Variants in ARHGAP26 observed in about 807,000 individuals in gnomAD.
The protein encoded by ARHGAP26 is rho GTPase-activating protein 26.
A neutral mutation model predicts 104.8 loss-of-function variants in ARHGAP26; 38 were observed. The ratio of observed to expected loss-of-function variants is 0.36; its 90% CI spans 0.28 to 0.48. ARHGAP26 has a LOEUF of 0.48. ARHGAP26 is among the 20% of genes least tolerant of loss of function. The pLI is 0.99. For synonymous variants in ARHGAP26, 341 were observed against 340.0 expected (o/e 1.00, Z -0.03); for missense variants, 704 against 947.9 (o/e 0.74, Z 3.38).
At chr5:142,865,674 A>G (rs1368194467) in intron 1 of ARHGAP26, among the ~76,000 whole-genome samples, 1 of 152,142 alleles carries the variant, frequency 6.6e-6, no homozygotes, top group Non-Finnish European at 1.5e-5. Context: ...GGTGTCTCCA[A>G]CAAAGTTCTG....
At chr5:142,938,399 T>C (rs1765763058) in intron 11 of ARHGAP26, among the ~76,000 whole-genome samples, 1 of 152,186 alleles carries the variant, frequency 6.6e-6, no homozygotes, top group Non-Finnish European at 1.5e-5. Flanking sequence ...GTGTGGCCAT[T>C]GTCTAAGGCT....
At chr5:142,794,436 C>T (rs777669631) in intron 1 of ARHGAP26, among the ~76,000 whole-genome samples, 3 of 152,168 alleles carry the variant, frequency 2.0e-5, no homozygotes, top group Admixed American at 2.0e-4. Flanking sequence ...AAATTGAGCA[C>T]GGTCATCTGT....
intron 1 of ARHGAP26, among the ~76,000 whole-genome samples, chr5:142,779,848 A>G (rs1259686553): frequency 6.6e-6 from 1 of 152,172 alleles, no homozygotes; most frequent in African/African-American, 2.4e-5. Flanking sequence ...CTTGTGGGTC[A>G]GGGGTAGACA....
chr5:143,027,338 AT>A (rs1028255073), intron 12 of ARHGAP26, among the ~76,000 whole-genome samples: 3 of 145,788 alleles, frequency 2.1e-5, no homozygotes, highest in Non-Finnish European at 4.5e-5. Flanking sequence ...TGCCTAGCTA[AT>A]TTTTTTTTCT....
chr5:142,985,859 G>A (rs1271666414), intron 11 of ARHGAP26, among the ~76,000 whole-genome samples: 1 of 151,994 alleles, frequency 6.6e-6, no homozygotes, highest in Admixed American at 6.6e-5. Context: ...TGGCTGCATA[G>A]TATTCCATGG....
At chr5:142,978,582 C>T (rs972645638) in intron 11 of ARHGAP26, among the ~76,000 whole-genome samples, 4 of 152,130 alleles carry the variant, frequency 2.6e-5, no homozygotes, top group Non-Finnish European at 4.4e-5. Context: ...AGATTCTTAC[C>T]TGTTAAATGG....
At chr5:143,073,845 CAG>C (rs942893696) in intron 17 of ARHGAP26, among the ~76,000 whole-genome samples, 1 of 152,170 alleles carries the variant, frequency 6.6e-6, no homozygotes, top group African/African-American at 2.4e-5. Context: ...ATGAGAGGAG[CAG>C]ACTCTGTGAC....
chr5:142,790,894 C>T lies in ARHGAP26; in HGVS notation c.154+19979C>T, dbSNP rs77538438. Among the ~76,000 whole-genome samples the T allele has an allele frequency of 1.1e-3, 170 of 152,198 alleles. 1 individual carries two copies. Among genetic ancestry groups the T allele is most frequent in the Middle Eastern group, 3.4e-3 (1 of 294 alleles). Reference sequence around the variant, plus strand: ...TCCTTCCCCTTCTATCTCATTACCCCGTTTAGTAGTCTTTATGGTACTTCT... The same window carrying T: ...TCCTTCCCCTTCTATCTCATTACCCTGTTTAGTAGTCTTTATGGTACTTCT... On this transcript the variant is annotated intron_variant, in intron 1 of 22. Coordinates refer to ENST00000645722, the MANE Select transcript of ARHGAP26 (RefSeq NM_001135608.3).
intron 1 of ARHGAP26, among the ~76,000 whole-genome samples, chr5:142,814,334 G>A (rs1399967957): frequency 6.6e-6 from 1 of 152,202 alleles, no homozygotes; most frequent in Non-Finnish European, 1.5e-5. Context: ...AGAGAGGTTT[G>A]GAATCTGTTG....
chr5:142,894,978 T>C (rs889465956), intron 6 of ARHGAP26, among the ~76,000 whole-genome samples: 1 of 152,202 alleles, frequency 6.6e-6, no homozygotes, highest in Admixed American at 6.5e-5. Flanking sequence ...GACTTTAGTT[T>C]AGGCCACACC....
rs1810806181 is a variant in ARHGAP26 at position 143,219,169 on chromosome 5, G to C, written c.2192-3189G>C. 2.0e-5 allele frequency among the ~76,000 whole-genome samples: 3 copies of C among 152,290 alleles called. No individual in the cohort carries two copies. The South Asian group carries it at 6.2e-4, about 32-fold the overall frequency. On this transcript the variant is annotated intron_variant, in intron 22 of 22. Transcript: ENST00000645722. ...GTTGGTCTCTGGAGTCAAACAAGCT[G>C]GGTTCAAATTTTGGTTCCAGTATTA...
chr5:142,952,924 T>C (rs1768618319), intron 11 of ARHGAP26, among the ~76,000 whole-genome samples: 1 of 152,132 alleles, frequency 6.6e-6, no homozygotes, highest in Non-Finnish European at 1.5e-5. Context: ...TTGGCCAGGA[T>C]GGTCTTGAAC....
At chr5:142,855,620 C>T (rs186559912) in intron 1 of ARHGAP26, among the ~76,000 whole-genome samples, 45 of 152,344 alleles carry the variant, frequency 3.0e-4, no homozygotes, top group Non-Finnish European at 6.5e-4. Flanking sequence ...CTATTCCTTC[C>T]TTCTATCCAT....
In ARHGAP26 at chr5:143,224,318, T is replaced by A. The variant is rs930129948; in HGVS notation, c.*1872T>A. On this transcript the variant is annotated 3_prime_UTR_variant, in exon 23 of 23. Coordinates refer to ENST00000645722, the MANE Select transcript of ARHGAP26 (RefSeq NM_001135608.3). ...CGGCCTGAAGGAAAGAGAAGACATT[T>A]CTATGGCCTTGCTCTCTGCTGTCCT... 3 of 231,776 alleles carry A rather than the reference T, an allele frequency of 1.3e-5. No individual in the cohort carries two copies. Among genetic ancestry groups the A allele is most frequent in the Non-Finnish European group, 2.6e-5 (3 of 116,904 alleles). 14.4% of individuals were successfully genotyped at this position (231,776 alleles called of 1,614,324 possible).
intron 11 of ARHGAP26, among the ~76,000 whole-genome samples, chr5:142,976,478 G>C (rs1466110402): frequency 2.6e-5 from 4 of 152,116 alleles, no homozygotes; most frequent in Non-Finnish European, 2.9e-5. Context: ...TGAAATGCTA[G>C]GACATTTGAC....
At chr5:143,035,839 G>A (rs898576670) in intron 12 of ARHGAP26, among the ~76,000 whole-genome samples, 2 of 151,238 alleles carry the variant, frequency 1.3e-5, no homozygotes, top group Non-Finnish European at 2.9e-5. Context: ...GAGAAGCTGA[G>A]GCAGGAGACT....
intron 11 of ARHGAP26, among the ~76,000 whole-genome samples, chr5:142,960,448 T>C (rs1770030969): frequency 1.3e-5 from 2 of 152,244 alleles, no homozygotes; most frequent in African/African-American, 4.8e-5. Flanking sequence ...TCATTCTGAG[T>C]AGCATGATGA....
chr5:142,832,843 G>A (rs963432362), intron 1 of ARHGAP26, among the ~76,000 whole-genome samples: 10 of 152,152 alleles, frequency 6.6e-5, no homozygotes, highest in Admixed American at 3.9e-4. Context: ...TGATGAGCTA[G>A]GCAAGCAATG....
At position 142,963,207 on chromosome 5, in the gene ARHGAP26, TGTGTGTGTGTGTGCGC is replaced by T. The variant is rs1184063941; in HGVS notation, c.1107+31095_1107+31110del. Among the ~76,000 whole-genome samples, 12 of 109,440 alleles carry T rather than the reference TGTGTGTGTGTGTGCGC, an allele frequency of 1.1e-4. 1 individual carries two copies. The highest frequency in any genetic ancestry group is 3.2e-4 in the African/African-American group (7 of 21,726). The allele number at this position is 109,440 out of a possible 152,430, so 71.8% of individuals were successfully genotyped here. On this transcript the variant is annotated intron_variant, in intron 11 of 22. Coordinates refer to ENST00000645722, the MANE Select transcript of ARHGAP26 (RefSeq NM_001135608.3). ...ATATATATATATATATATGTGTGTG[TGTGTGTGTGTGTGCGC>T]GTGTGTGTGTGTACCACATTTTCTT...
Sources: allele counts gnomAD v4.1 joint callset (sites outside exome capture counted in the v4.1 genomes callset), GRCh38; gene constraint gnomAD v4.1.1; transcripts MANE v1.5; gene names NCBI Gene and HGNC (gene_info 2026-07-23, HGNC 2026-07-21).